Variants in PCDH9 observed in about 807,000 individuals in gnomAD.
PCDH9 encodes protocadherin 9, also known as protocadherin-9.
Under a neutral mutation model 70.6 loss-of-function variants are expected in PCDH9, and 24 were observed. The ratio of observed to expected loss-of-function variants is 0.34; its 90% CI spans 0.25 to 0.48. The LOEUF (loss-of-function observed/expected upper bound fraction) is 0.48. Among genes scored for constraint, PCDH9 ranks in the 20% least tolerant of loss-of-function variants. The pLI is 0.99. For missense variants in PCDH9, 1,281 were observed against 1,503.6 expected (o/e 0.85, Z 2.45); for synonymous variants, 562 against 558.5 (o/e 1.01, Z -0.09).
intron 2 of PCDH9, among the ~76,000 whole-genome samples, chr13:67,149,590 C>G (rs887295226): frequency 1.3e-5 from 2 of 152,004 alleles, no homozygotes; most frequent in Non-Finnish European, 2.9e-5. Flanking sequence ...ACTGTAAATA[C>G]TGCTAATGGT....
At position 67,214,951 on chromosome 13, in the gene PCDH9, T is replaced by G. The variant is rs1402104712; in HGVS notation, c.3036+10454A>C. On this transcript the variant is annotated intron_variant, in intron 2 of 4. Transcript: ENST00000377865. Reference sequence around the variant, plus strand: ...TGCGAGCCAGATATATATATATATATATATATATATATATATATATATTCA... The same window carrying G: ...TGCGAGCCAGATATATATATATATAGATATATATATATATATATATATTCA... 2.3e-4 allele frequency: 16 copies of G among 70,136 alleles called. No individual in the cohort carries two copies. The East Asian group carries it at 6.4e-3, about 28-fold the overall frequency. 4.3% of individuals were successfully genotyped at this position (70,136 alleles called of 1,614,324 possible). A position where few individuals can be genotyped will look rare whatever the true frequency, so the allele number is the denominator to read the frequency against.
chr13:66,462,943 A>G (rs1435627759), intron 4 of PCDH9, among the ~76,000 whole-genome samples: 2 of 151,792 alleles, frequency 1.3e-5, no homozygotes, highest in Admixed American at 1.3e-4. Context: ...AAAAAAACCT[A>G]ATTATTCTTG....
chr13:67,187,532 A>G (rs189349503), intron 2 of PCDH9, among the ~76,000 whole-genome samples: 22 of 152,294 alleles, frequency 1.4e-4, no homozygotes, highest in Admixed American at 2.6e-4. Context: ...CAACTGATCA[A>G]CTAATGCTCT....
intron 4 of PCDH9, among the ~76,000 whole-genome samples, chr13:66,589,733 C>A (rs190277415): frequency 6.6e-6 from 1 of 151,900 alleles, no homozygotes; most frequent in African/African-American, 2.4e-5. Context: ...GCTCTCTTAT[C>A]CTATTTTCAA....
chr13:66,734,968 C>A (rs1463364955), intron 3 of PCDH9, among the ~76,000 whole-genome samples: 2 of 152,138 alleles, frequency 1.3e-5, no homozygotes. Flanking sequence ...TTGATTAAGG[C>A]AGACATATCT....
chr13:66,624,916 A>C (rs148568191), intron 4 of PCDH9, among the ~76,000 whole-genome samples: 1 of 151,548 alleles, frequency 6.6e-6, no homozygotes, highest in Non-Finnish European at 1.5e-5. Context: ...GTCTGCCACT[A>C]TGTACTTAAC....
At position 66,304,475 on chromosome 13, in the gene PCDH9, C is replaced by T; in HGVS notation, c.*180G>A. ...AATTCTAGTAAACAAAATTGCATGGCTAGAACTATCTTCTCTCATATGTTG... is the reference window on the plus strand; with the variant it reads ...AATTCTAGTAAACAAAATTGCATGGTTAGAACTATCTTCTCTCATATGTTG... On this transcript the variant is annotated 3_prime_UTR_variant, in exon 5 of 5. Transcript: ENST00000377865. The T allele has an allele frequency of 1.8e-6, 1 of 569,000 alleles. No homozygotes were observed. The highest frequency in any genetic ancestry group is 2.8e-5 in the East Asian group (1 of 35,884). 35.2% of individuals were successfully genotyped at this position (569,000 alleles called of 1,614,324 possible).
At chr13:67,213,183 C>G (rs2089506505) in intron 2 of PCDH9, 1 of 114,308 alleles carries the variant, frequency 8.7e-6, no homozygotes, top group South Asian at 2.9e-4. Flanking sequence ...TGCACTCCAG[C>G]CTGGACGACA....
intron 2 of PCDH9, among the ~76,000 whole-genome samples, chr13:67,084,439 C>G (rs937202280): frequency 6.6e-6 from 1 of 152,124 alleles, no homozygotes; most frequent in Non-Finnish European, 1.5e-5. Flanking sequence ...TTGAATCTAC[C>G]TATGAACTGT....
chr13:66,715,589 A>G (rs566862754), intron 3 of PCDH9, among the ~76,000 whole-genome samples: 1 of 152,300 alleles, frequency 6.6e-6, no homozygotes, highest in African/African-American at 2.4e-5. Context: ...TTAAGAGGTT[A>G]TAGTACAGAT....
At chr13:66,499,171 A>G (rs1959163244) in intron 4 of PCDH9, among the ~76,000 whole-genome samples, 1 of 152,098 alleles carries the variant, frequency 6.6e-6, no homozygotes, top group Admixed American at 6.6e-5. Flanking sequence ...TACATTTAAA[A>G]CATAATACTA....
At chr13:66,874,595 A>G (rs1379263964) in intron 3 of PCDH9, among the ~76,000 whole-genome samples, 1 of 152,158 alleles carries the variant, frequency 6.6e-6, no homozygotes, top group African/African-American at 2.4e-5. Context: ...CATAGCTTTC[A>G]CACAGTAACA....
chr13:66,903,487 A>G lies in PCDH9; in HGVS notation c.3138+17T>C, dbSNP rs1253690649. 1.9e-6 allele frequency: 2 copies of G among 1,069,110 alleles called. No homozygotes were observed. Among genetic ancestry groups the G allele is most frequent in the Non-Finnish European group, 1.4e-6 (1 of 690,734 alleles). The allele number at this position is 1,069,110 out of a possible 1,614,324, so 66.2% of individuals were successfully genotyped here. A position where few individuals can be genotyped will look rare whatever the true frequency, so the allele number is the denominator to read the frequency against. On this transcript the variant is annotated intron_variant, in intron 3 of 4. Coordinates refer to ENST00000377865, the MANE Select transcript of PCDH9 (RefSeq NM_203487.3). ...ATTTATCAGTACTAACATGTTCTCT[A>G]TAGATATATGGCATACCTCGTAATG...
chr13:66,505,462 G>T (rs911763145), intron 4 of PCDH9, among the ~76,000 whole-genome samples: 5 of 151,740 alleles, frequency 3.3e-5, no homozygotes, highest in East Asian at 1.9e-4. Context: ...CTCCCACCAG[G>T]TCCCTCCCAT....
At chr13:66,405,981 G>A (rs954799269) in intron 4 of PCDH9, among the ~76,000 whole-genome samples, 5 of 152,134 alleles carry the variant, frequency 3.3e-5, no homozygotes, top group African/African-American at 4.8e-5. Flanking sequence ...GCTAGAGAGA[G>A]ATTATTTTAA....
intron 2 of PCDH9, among the ~76,000 whole-genome samples, chr13:67,172,574 C>T (rs1196391723): frequency 2.0e-5 from 3 of 151,864 alleles, no homozygotes; most frequent in African/African-American, 7.3e-5. Flanking sequence ...GCTTTTGTGG[C>T]CATTCAAGAA....
At chr13:67,059,785 A>C (rs1190089061) in intron 2 of PCDH9, among the ~76,000 whole-genome samples, 2 of 152,056 alleles carry the variant, frequency 1.3e-5, no homozygotes, top group African/African-American at 2.4e-5. Flanking sequence ...ATTAACTTTG[A>C]AGCTATCAGT....
At chr13:66,872,248 C>T (rs1281731196) in intron 3 of PCDH9, among the ~76,000 whole-genome samples, 2 of 152,058 alleles carry the variant, frequency 1.3e-5, no homozygotes, top group Non-Finnish European at 2.9e-5. Flanking sequence ...ATGTTATTGC[C>T]AGATTTGGAT....
At chr13:66,854,962 CAAAT>C (rs1446086881) in intron 3 of PCDH9, among the ~76,000 whole-genome samples, 1 of 152,066 alleles carries the variant, frequency 6.6e-6, no homozygotes, top group Non-Finnish European at 1.5e-5. Flanking sequence ...TCAGAATTCA[CAAAT>C]AAAGTGCTTG....
Sources: allele counts gnomAD v4.1 joint callset (sites outside exome capture counted in the v4.1 genomes callset), GRCh38; gene constraint gnomAD v4.1.1; transcripts MANE v1.5; gene names NCBI Gene and HGNC (gene_info 2026-07-23, HGNC 2026-07-21).